PGBD5: variants seen among roughly 807,000 people sequenced by gnomAD.
The protein encoded by PGBD5 is piggyBac transposable element-derived protein 5.
PGBD5 carries 14 observed loss-of-function variants against 47.9 expected under a neutral mutation model. That is an observed-to-expected ratio of 0.29 (90% CI 0.19 to 0.46). The LOEUF (loss-of-function observed/expected upper bound fraction) is 0.46, where lower values mean the gene tolerates loss of function less well. Among genes scored for constraint, PGBD5 ranks in the 20% least tolerant of loss-of-function variants. The pLI is 1.00. For missense variants in PGBD5, 635 were observed against 716.0 expected, an observed-to-expected ratio of 0.89 and a Z score of 1.29; for synonymous variants, 316 against 306.3, an observed-to-expected ratio of 1.03 and a Z score of -0.33.
At chr1:230,376,711 G>A (rs1036847792) in intron 1 of PGBD5, among the ~76,000 whole-genome samples, 3 of 152,156 alleles carry the variant, frequency 2.0e-5, no homozygotes, top group East Asian at 3.8e-4. Context: ...TGCTGTGCCC[G>A]AGGTCTGGGG....
Position 230,323,431 on chromosome 1 carries a change from G to C in PGBD5, c.1569C>G (p.Thr523=). Residue 523 remains threonine, a synonymous_variant, in exon 7 of 7, where the codon ACC becomes ACG. Coordinates refer to ENST00000391860, the MANE Select transcript of PGBD5 (RefSeq NM_001258311.2). The surrounding 1 kb of genome is among the most constrained non-coding windows in gnomAD (Gnocchi z 4.1). ...ELLGLEDASP[T]H is the part of the protein sequence containing the mutation. ...GAGTCCTGCGCCCCCAGCATCAGTG[G>C]GTCGGAGAGGCATCCTCCAAGCCCA... 6.2e-7 allele frequency: 1 copy of C among 1,612,992 alleles called. No homozygotes were observed.
At chr1:230,343,983 T>C (rs1667442665) in intron 3 of PGBD5, among the ~76,000 whole-genome samples, 1 of 152,072 alleles carries the variant, frequency 6.6e-6, no homozygotes, top group Non-Finnish European at 1.5e-5. Context: ...CATAGCCTAG[T>C]GGTTAAGAAG....
At chr1:230,345,258 A>C (rs1472800516) in intron 3 of PGBD5, among the ~76,000 whole-genome samples, 1 of 152,204 alleles carries the variant, frequency 6.6e-6, no homozygotes. Flanking sequence ...TCTGCAGAGA[A>C]CTGCTTCAGA....
At chr1:230,331,282 G>A (rs1243823233) in intron 5 of PGBD5, among the ~76,000 whole-genome samples, 2 of 151,970 alleles carry the variant, frequency 1.3e-5, no homozygotes, top group Admixed American at 6.6e-5. Context: ...CGGGCGCAGC[G>A]GTATGCACCT....
chr1:230,343,783 C>G (rs1364944315), intron 3 of PGBD5, among the ~76,000 whole-genome samples: 1 of 152,162 alleles, frequency 6.6e-6, no homozygotes, highest in Non-Finnish European at 1.5e-5. Context: ...TGTAAAAAGA[C>G]TGAGTCAAAT....
At chr1:230,345,146 G>A (rs985370548) in intron 3 of PGBD5, among the ~76,000 whole-genome samples, 3 of 152,114 alleles carry the variant, frequency 2.0e-5, no homozygotes, top group Non-Finnish European at 4.4e-5. Flanking sequence ...AAGAATCTTG[G>A]GGTTCCATTA....
chr1:230,402,759 T>C (rs191480459), intron 1 of PGBD5, among the ~76,000 whole-genome samples: 13 of 152,310 alleles, frequency 8.5e-5, no homozygotes, highest in East Asian at 7.7e-4. Context: ...AAGCACTGGG[T>C]TGATAGGCAC....
At chr1:230,375,652 CTTTTTTTT>C (rs199545872) in intron 1 of PGBD5, among the ~76,000 whole-genome samples, 1 of 105,660 alleles carries the variant, frequency 9.5e-6, no homozygotes. Context: ...TCCTATTTGA[CTTTTTTTT>C]TTTTTTTTTT....
chr1:230,324,485 G>A (rs983951387), intron 6 of PGBD5, among the ~76,000 whole-genome samples: 18 of 152,104 alleles, frequency 1.2e-4, no homozygotes, highest in African/African-American at 4.3e-4. Flanking sequence ...CCAAGGAGTG[G>A]GACTACCTTT....
At chr1:230,367,473 T>A (rs1872855) in intron 1 of PGBD5, among the ~76,000 whole-genome samples, 96,531 of 152,032 alleles carry the variant, frequency 0.63, 31,939 homozygotes, top group Non-Finnish European at 0.74. Flanking sequence ...AGTCCGAGGC[T>A]GGAGGGTTGC....
At chr1:230,367,571 G>C (rs1030462638) in intron 1 of PGBD5, among the ~76,000 whole-genome samples, 1 of 152,102 alleles carries the variant, frequency 6.6e-6, no homozygotes, top group Non-Finnish European at 1.5e-5. Flanking sequence ...GGTGGCACAC[G>C]CCTATAATCC....
At chr1:230,353,439 A>C (rs995212851) in intron 2 of PGBD5, among the ~76,000 whole-genome samples, 4 of 152,100 alleles carry the variant, frequency 2.6e-5, no homozygotes, top group Admixed American at 6.6e-5. Context: ...ACACACACAC[A>C]CCCCAGCTGC....
intron 1 of PGBD5, among the ~76,000 whole-genome samples, chr1:230,367,606 G>T (rs999146145): frequency 6.6e-6 from 1 of 152,190 alleles, no homozygotes; most frequent in Admixed American, 6.5e-5. Flanking sequence ...GCTGAGGTGG[G>T]AGGACTGCTC....
intron 1 of PGBD5, among the ~76,000 whole-genome samples, chr1:230,372,850 T>C (rs987148148): frequency 6.6e-6 from 1 of 152,178 alleles, no homozygotes; most frequent in African/African-American, 2.4e-5. Flanking sequence ...TTCAGGGCCC[T>C]GCAGGTGGCT....
intron 5 of PGBD5, among the ~76,000 whole-genome samples, chr1:230,328,472 C>T (rs983566218): frequency 6.6e-6 from 1 of 152,156 alleles, no homozygotes; most frequent in African/African-American, 2.4e-5. Flanking sequence ...CTTCTGATTG[C>T]TAACATTGGC....
chr1:230,344,800 C>G (rs1033196976), intron 3 of PGBD5, among the ~76,000 whole-genome samples: 14 of 152,202 alleles, frequency 9.2e-5, no homozygotes, highest in African/African-American at 3.4e-4. Context: ...CAGCGTGAAC[C>G]TGAAGCCCTG....
intron 5 of PGBD5, 85 bp from the exon 6 acceptor site, chr1:230,325,500 A>T: frequency 2.2e-6 from 2 of 927,992 alleles, no homozygotes; most frequent in Non-Finnish European, 3.4e-6. Context: ...CGTCCAGCTT[A>T]GCTGCTCCCA....
intron 2 of PGBD5, among the ~76,000 whole-genome samples, chr1:230,354,301 T>C (rs1361306257): frequency 1.3e-5 from 2 of 152,130 alleles, no homozygotes; most frequent in African/African-American, 4.8e-5. Context: ...TGATGGAGTG[T>C]GCTGGGTGTT....
intron 5 of PGBD5, 42 bp from the exon 6 acceptor site, chr1:230,325,457 C>T (rs2102810705): frequency 7.3e-7 from 1 of 1,366,294 alleles, no homozygotes; most frequent in South Asian, 1.2e-5. Flanking sequence ...TCAGCACCTC[C>T]TCCTAATGCC....
Sources: gnomAD v4.1 joint callset for allele counts (sites outside exome capture counted in the v4.1 genomes callset) on GRCh38, gnomAD v4.1.1 for gene constraint, Gnocchi (gnomAD v3.1) non-coding constraint, MANE v1.5 for transcripts, NCBI Gene and HGNC (gene_info 2026-07-23, HGNC 2026-07-21) for gene names.